Variants in ENTPD3 observed in about 807,000 individuals in gnomAD.
ENTPD3 encodes ectonucleoside triphosphate diphosphohydrolase 3.
In ENTPD3, 60 loss-of-function variants were observed where a neutral mutation model predicts 51.2. That is an observed-to-expected ratio of 1.17 (90% confidence interval 0.95 to 1.45). The LOEUF (loss-of-function observed/expected upper bound fraction) is 1.45, where lower values mean the gene tolerates loss of function less well. ENTPD3 is among the 40% of genes most tolerant of loss of function. ENTPD3 has a pLI of 0.00. For missense variants in ENTPD3, 593 were observed against 641.1 expected (o/e 0.93, Z 0.81); for synonymous variants, 221 against 238.4 (o/e 0.93, Z 0.67).
At chr3:40,406,866 C>T (rs1955513946) in intron 4 of ENTPD3, among the ~76,000 whole-genome samples, 2 of 152,128 alleles carry the variant, frequency 1.3e-5, no homozygotes, top group Admixed American at 6.5e-5. Flanking sequence ...ACAGCCTCCA[C>T]AACAAAGAAT....
chr3:40,425,194 G>A (rs1481976705), intron 10 of ENTPD3, among the ~76,000 whole-genome samples: 1 of 151,546 alleles, frequency 6.6e-6, no homozygotes, highest in African/African-American at 2.4e-5. Flanking sequence ...GAGGCAGGCG[G>A]ATCACCTGAG....
At chr3:40,422,057 G>A (rs1432820417) in intron 7 of ENTPD3, among the ~76,000 whole-genome samples, 1 of 151,868 alleles carries the variant, frequency 6.6e-6, no homozygotes, top group East Asian at 1.9e-4. Context: ...ATAAAACCTG[G>A]TTCATAGGGC....
intron 2 of ENTPD3, chr3:40,391,120 A>G (rs1385054868): frequency 2.0e-5 from 3 of 151,764 alleles, no homozygotes; most frequent in African/African-American, 7.3e-5. Context: ...ATATGATCAC[A>G]CCTGGCTAAT....
intron 3 of ENTPD3, 66 bp downstream of exon 3, chr3:40,392,216 C>T: frequency 1.3e-6 from 2 of 1,576,422 alleles, no homozygotes; most frequent in East Asian, 2.3e-5. Context: ...TCAATTATTC[C>T]AAAACCATGA....
intron 7 of ENTPD3, among the ~76,000 whole-genome samples, chr3:40,418,852 T>C (rs1272005471): frequency 6.6e-6 from 1 of 152,184 alleles, no homozygotes; most frequent in Non-Finnish European, 1.5e-5. Flanking sequence ...TTAATGTCCT[T>C]TTAAAATACG....
intron 3 of ENTPD3, among the ~76,000 whole-genome samples, chr3:40,395,831 G>C (rs1955185045): frequency 6.6e-6 from 1 of 152,188 alleles, no homozygotes; most frequent in Non-Finnish European, 1.5e-5. Flanking sequence ...TAAGGCCTGA[G>C]GGGATGTGGG....
chr3:40,402,684 C>T (rs527725427), intron 4 of ENTPD3, among the ~76,000 whole-genome samples: 9 of 151,936 alleles, frequency 5.9e-5, no homozygotes, highest in East Asian at 1.9e-4. Flanking sequence ...AGTTTCTTTG[C>T]GATGTGTCTT....
chr3:40,395,893 T>A (rs2125590166), intron 3 of ENTPD3, among the ~76,000 whole-genome samples: 1 of 152,300 alleles, frequency 6.6e-6, no homozygotes, highest in Middle Eastern at 3.4e-3. Context: ...ATTATCCCTG[T>A]ATTGCAGATG....
intron 4 of ENTPD3, among the ~76,000 whole-genome samples, chr3:40,407,496 G>A (rs1052946560): frequency 6.6e-6 from 1 of 152,050 alleles, no homozygotes; most frequent in Admixed American, 6.6e-5. Context: ...AACAGGTATG[G>A]GGTCAAATAG....
intron 7 of ENTPD3, among the ~76,000 whole-genome samples, chr3:40,422,325 CTT>C (rs5848565): frequency 0.011 from 1,455 of 136,646 alleles, 11 homozygotes; most frequent in African/African-American, 0.027. Context: ...ATACCTTACT[CTT>C]TTTTTTTTTT....
rs1956019681 is a variant in ENTPD3 at position 40,428,379 on chromosome 3, G to T, written c.*871G>T. The T allele has an allele frequency of 6.6e-6, 1 of 152,136 alleles. No homozygotes were observed. The highest frequency in any genetic ancestry group is 1.5e-5 in the Non-Finnish European group (1 of 68,042). 9.4% of individuals were successfully genotyped at this position (152,136 alleles called of 1,614,324 possible). On this transcript the variant is annotated 3_prime_UTR_variant, in exon 11 of 11. Coordinates refer to ENST00000301825, the MANE Select transcript of ENTPD3 (RefSeq NM_001248.4). The stretch of plus-strand genomic sequence containing the variant: ...CACAAGTATACTTGATGTTGTCATA[G>T]AACGAACATCCTACTCTATGATTTA...
rs1956019854 is a variant in ENTPD3 at position 40,428,389 on chromosome 3, C to G, written c.*881C>G. Reference sequence around the variant, plus strand: ...CTTGATGTTGTCATAGAACGAACATCCTACTCTATGATTTACTAACCAATT... The same window carrying G: ...CTTGATGTTGTCATAGAACGAACATGCTACTCTATGATTTACTAACCAATT... On this transcript the variant is annotated 3_prime_UTR_variant, in exon 11 of 11. Transcript: ENST00000301825. The G allele has an allele frequency of 1.3e-5, 2 of 152,172 alleles. No homozygotes were observed. The highest frequency in any genetic ancestry group is 4.1e-4 in the South Asian group (2 of 4,822). 9.4% of individuals were successfully genotyped at this position (152,172 alleles called of 1,614,324 possible).
chr3:40,427,034 G>C (rs1208458542), intron 10 of ENTPD3, among the ~76,000 whole-genome samples: 1 of 152,126 alleles, frequency 6.6e-6, no homozygotes, highest in African/African-American at 2.4e-5. Flanking sequence ...TTCACTCTTG[G>C]CTGTGACAAG....
intron 4 of ENTPD3, among the ~76,000 whole-genome samples, chr3:40,404,050 T>G (rs1955435713): frequency 7.1e-6 from 1 of 139,906 alleles, no homozygotes; most frequent in Admixed American, 7.3e-5. Flanking sequence ...AGGTAATGCC[T>G]GAGCCATTTC....
rs148415058 is a variant in ENTPD3, at chr3:40,396,147, G to C, written c.168+3997G>C. 1.1e-3 allele frequency among the ~76,000 whole-genome samples: 164 copies of C among 152,292 alleles called. 1 individual carries two copies. The highest frequency in any genetic ancestry group is 1.9e-3 in the Non-Finnish European group (132 of 68,032). On this transcript the variant is annotated intron_variant, in intron 3 of 10. Transcript: ENST00000301825. ...AGGGACAGGAAATTGTAAAACACAG[G>C]AAGATGAGCTCGGAAGGTCCATTCT...
At chr3:40,400,516 T>G (rs985852673) in intron 3 of ENTPD3, among the ~76,000 whole-genome samples, 9 of 152,092 alleles carry the variant, frequency 5.9e-5, no homozygotes, top group Non-Finnish European at 1.3e-4. Context: ...GAAGTACAAT[T>G]CTCAACCTTG....
chr3:40,422,223 T>C (rs545332547), intron 7 of ENTPD3, among the ~76,000 whole-genome samples: 21 of 148,494 alleles, frequency 1.4e-4, no homozygotes, highest in Non-Finnish European at 2.4e-4. Context: ...TGACACAGAA[T>C]GGTATTTTTT....
chr3:40,394,097 T>G lies in ENTPD3; in HGVS notation c.168+1947T>G, dbSNP rs549632563. Among the ~76,000 whole-genome samples the G allele has an allele frequency of 2.9e-3, 404 of 141,196 alleles. 2 individuals are homozygous for G. Among genetic ancestry groups the G allele is most frequent in the Middle Eastern group, 0.011 (3 of 282 alleles). The allele number at this position is 141,196 out of a possible 152,430, so 92.6% of individuals were successfully genotyped here. ...AAAGGAACTGCAACTAAGAGTAATA[T>G]ATTTTTTATTTTTTATTTTATTGTT... On this transcript the variant is annotated intron_variant, in intron 3 of 10. Coordinates refer to ENST00000301825, the MANE Select transcript of ENTPD3 (RefSeq NM_001248.4).
rs1352477243 is a variant in ENTPD3 at position 40,427,524 on chromosome 3, C to T, written c.*16C>T. ...TTCTGACTGAGCCTTCAAAGCAGCT[C>T]CTGGAGTCCAATGGCTGCTTAGAGT... On this transcript the variant is annotated 3_prime_UTR_variant, in exon 11 of 11. Transcript: ENST00000301825. 2 of 1,594,410 alleles carry T rather than the reference C, an allele frequency of 1.3e-6. No individual in the cohort carries two copies. The highest frequency in any genetic ancestry group is 1.1e-5 in the South Asian group (1 of 90,640).
Sources: gnomAD v4.1 joint callset for allele counts (sites outside exome capture counted in the v4.1 genomes callset) on GRCh38, gnomAD v4.1.1 for gene constraint, MANE v1.5 for transcripts, NCBI Gene and HGNC (gene_info 2026-07-23, HGNC 2026-07-21) for gene names.